PHF21A: variants seen among roughly 807,000 people sequenced by gnomAD.
PHF21A encodes the protein PHD finger protein 21A, also known as BHC80a.
A neutral mutation model predicts 82.5 loss-of-function variants in PHF21A; 11 were observed. The observed-to-expected ratio is 0.13, with a 90% confidence interval of 0.08 to 0.22. PHF21A has a LOEUF of 0.22. Ranked by LOEUF, PHF21A falls within the 10% of genes least tolerant of loss-of-function variation. The pLI, the probability that PHF21A is intolerant of heterozygous loss-of-function variation, is 1.00. For missense variants in PHF21A, 579 were observed against 837.8 expected, an observed-to-expected ratio of 0.69 and a Z score of 3.81; for synonymous variants, 297 against 302.8, an observed-to-expected ratio of 0.98 and a Z score of 0.20.
chr11:46,004,261 A>C (rs2095235515), intron 6 of PHF21A, among the ~76,000 whole-genome samples: 14 of 152,198 alleles, frequency 9.2e-5, no homozygotes, highest in Admixed American at 9.2e-4. Context: ...CAAATAACTC[A>C]ATGCAAAAGA....
intron 12 of PHF21A, 40 bp downstream of exon 12, chr11:45,950,166 G>C: frequency 6.8e-7 from 1 of 1,460,212 alleles, no homozygotes; most frequent in East Asian, 2.3e-5. Context: ...CAAAGCTGTG[G>C]GCCAGAAAAA....
At chr11:46,010,693 C>T (rs544060256) in intron 6 of PHF21A, among the ~76,000 whole-genome samples, 6 of 152,260 alleles carry the variant, frequency 3.9e-5, no homozygotes, top group African/African-American at 1.2e-4. Flanking sequence ...GCGTGCAAAG[C>T]CTTGACCCAC....
intron 6 of PHF21A, among the ~76,000 whole-genome samples, chr11:46,054,366 G>A (rs1391568405): frequency 1.1e-4 from 16 of 152,050 alleles, no homozygotes. Flanking sequence ...GATGATTCAG[G>A]AATAAAAATG....
At chr11:46,034,237 C>T (rs1178577511) in intron 6 of PHF21A, among the ~76,000 whole-genome samples, 1 of 144,098 alleles carries the variant, frequency 6.9e-6, no homozygotes, top group African/African-American at 2.6e-5. Flanking sequence ...CCCTTGCATA[C>T]TTTTCCCTTG....
intron 4 of PHF21A, among the ~76,000 whole-genome samples, chr11:46,082,981 T>C (rs1475609727): frequency 6.6e-6 from 1 of 152,184 alleles, no homozygotes; most frequent in African/African-American, 2.4e-5. Context: ...TTGATTACTG[T>C]ACTCCCAAAA....
chr11:45,945,452 C>A (rs1416523342), intron 15 of PHF21A, among the ~76,000 whole-genome samples: 1 of 152,178 alleles, frequency 6.6e-6, no homozygotes, highest in African/African-American at 2.4e-5. Context: ...TTTGAAGCAG[C>A]AAACAAGGGC....
intron 6 of PHF21A, among the ~76,000 whole-genome samples, chr11:46,031,667 C>T (rs1394716288): frequency 6.6e-6 from 1 of 152,138 alleles, no homozygotes. Context: ...GATTAATAGG[C>T]GCTCCGAGGC....
chr11:45,981,392 CAAAAAAAAAAAA>C lies in PHF21A; in HGVS notation c.154-1438_154-1427del, dbSNP rs59866051. 2.7e-4 allele frequency among the ~76,000 whole-genome samples: 16 copies of C among 60,290 alleles called. No individual in the cohort carries two copies. The South Asian group carries it at 3.7e-3, about 14-fold the overall frequency. The allele number at this position is 60,290 out of a possible 152,430, so 39.6% of individuals were successfully genotyped here. A position where few individuals can be genotyped will look rare whatever the true frequency, so the allele number is the denominator to read the frequency against. On this transcript the variant is annotated intron_variant, in intron 6 of 18. Transcript: ENST00000676320. Reference sequence around the variant, plus strand: ...TGGGTGACAGAGTGAAACCCTGTCTCAAAAAAAAAAAAAAAAAAAAAAAAAAACTATATTGCT... The same window carrying C: ...TGGGTGACAGAGTGAAACCCTGTCTCAAAAAAAAAAAAAAACTATATTGCT...
intron 1 of PHF21A, among the ~76,000 whole-genome samples, chr11:46,096,252 G>T (rs2096993766): frequency 6.6e-6 from 1 of 150,580 alleles, no homozygotes; most frequent in African/African-American, 2.5e-5. Flanking sequence ...ATCATTACTG[G>T]ATCATTTTGT....
intron 15 of PHF21A, among the ~76,000 whole-genome samples, chr11:45,942,124 CAA>C (rs1381464885): frequency 6.6e-6 from 1 of 152,126 alleles, no homozygotes; most frequent in Non-Finnish European, 1.5e-5. Flanking sequence ...AAGGAGAAGT[CAA>C]TTATCTTAAA....
chr11:45,992,376 C>CA (rs375091067), intron 6 of PHF21A, among the ~76,000 whole-genome samples: 42,938 of 139,476 alleles, frequency 0.31, 6,861 homozygotes, highest in East Asian at 0.76. Flanking sequence ...ACTAAAAATA[C>CA]AAAAAAAAAA....
chr11:46,119,871 G>A (rs148683230), intron 1 of PHF21A: 13,886 of 147,908 alleles, frequency 0.094, 905 homozygotes, highest in Non-Finnish European at 0.14. Flanking sequence ...GTCCCACTCC[G>A]CGCGCCCCTC....
chr11:46,115,455 G>C lies in PHF21A; in HGVS notation c.-237+5480C>G, dbSNP rs540806451. Among the ~76,000 whole-genome samples, 3 of 152,140 alleles carry C rather than the reference G, an allele frequency of 2.0e-5. No individual in the cohort carries two copies. The East Asian group carries it at 5.8e-4, about 29-fold the overall frequency. ...CATATACACACAAACATACAAAGTA[G>C]AAAACATAAGCTATTTAAGAAATAA... On this transcript the variant is annotated intron_variant, in intron 1 of 18. Transcript: ENST00000676320.
intron 6 of PHF21A, among the ~76,000 whole-genome samples, chr11:46,016,883 T>G (rs554104468): frequency 1.3e-5 from 2 of 152,046 alleles, no homozygotes; most frequent in East Asian, 3.9e-4. Context: ...TCAAAATTTG[T>G]ATCAGCAATT....
chr11:45,956,530 A>G (rs958714328), intron 10 of PHF21A, among the ~76,000 whole-genome samples: 3 of 152,076 alleles, frequency 2.0e-5, no homozygotes, highest in African/African-American at 7.2e-5. Context: ...ACATGGATAT[A>G]TTGCATGACG....
chr11:46,064,967 C>T (rs1041736618), intron 6 of PHF21A, among the ~76,000 whole-genome samples: 3 of 152,200 alleles, frequency 2.0e-5, no homozygotes, highest in South Asian at 2.1e-4. Flanking sequence ...GAGCCAGTAA[C>T]AAGCACTAAT....
At chr11:46,042,493 A>T (rs1346936011) in intron 6 of PHF21A, among the ~76,000 whole-genome samples, 3 of 152,140 alleles carry the variant, frequency 2.0e-5, no homozygotes, top group Admixed American at 1.3e-4. Context: ...GGTTTTTATA[A>T]ATCCTAGAAA....
chr11:46,106,721 C>G (rs954312686), intron 1 of PHF21A, among the ~76,000 whole-genome samples: 12 of 152,188 alleles, frequency 7.9e-5, no homozygotes, highest in Non-Finnish European at 2.9e-5. Context: ...ACAGAGAAGA[C>G]GCTTACCAAG....
chr11:46,118,571 A>G (rs912288343), intron 1 of PHF21A, among the ~76,000 whole-genome samples: 1 of 152,222 alleles, frequency 6.6e-6, no homozygotes, highest in Non-Finnish European at 1.5e-5. Context: ...TATAAACATT[A>G]GCATAACTGT....
Sources: gnomAD v4.1 joint callset for allele counts (sites outside exome capture counted in the v4.1 genomes callset) on GRCh38, gnomAD v4.1.1 for gene constraint, MANE v1.5 for transcripts, NCBI Gene and HGNC (gene_info 2026-07-23, HGNC 2026-07-21) for gene names.